NAALADL2: variants seen among roughly 807,000 people sequenced by gnomAD.
NAALADL2 encodes N-acetylated alpha-linked acidic dipeptidase like 2.
NAALADL2 carries 76 observed loss-of-function variants against 87.2 expected under a neutral mutation model. The observed-to-expected ratio is 0.87, with a 90% CI of 0.72 to 1.05. The LOEUF (loss-of-function observed/expected upper bound fraction) is 1.05. Ranked by LOEUF, NAALADL2 falls within the 50% of genes least tolerant of loss-of-function variation. NAALADL2 has a pLI of 0.00. For missense variants in NAALADL2, 1,089 were observed against 945.8 expected (o/e 1.15, Z -1.99); for synonymous variants, 354 against 331.0 (o/e 1.07, Z -0.75).
At chr3:174,534,295 A>C (rs1331931921) in intron 1 of NAALADL2, among the ~76,000 whole-genome samples, 2 of 139,038 alleles carry the variant, frequency 1.4e-5, no homozygotes, top group Non-Finnish European at 2.9e-5. Context: ...CAATATAAAC[A>C]AAAAAAATGT....
intron 3 of NAALADL2, among the ~76,000 whole-genome samples, chr3:174,852,055 C>T (rs1460495814): frequency 6.6e-6 from 1 of 152,032 alleles, no homozygotes; most frequent in African/African-American, 2.4e-5. Flanking sequence ...TCTCAAAAAA[C>T]TGGGTATAGA....
chr3:175,477,900 A>G (rs1046645160), intron 9 of NAALADL2, among the ~76,000 whole-genome samples: 1 of 151,900 alleles, frequency 6.6e-6, no homozygotes. Context: ...TTTTTTTTCC[A>G]CAAGAATTGT....
intron 1 of NAALADL2, among the ~76,000 whole-genome samples, chr3:175,038,906 A>G (rs1350340653): frequency 6.6e-6 from 1 of 152,126 alleles, no homozygotes; most frequent in Non-Finnish European, 1.5e-5. Context: ...ATAAATTGGT[A>G]CTGTCCAAAC....
intron 13 of NAALADL2, among the ~76,000 whole-genome samples, chr3:175,787,812 T>A (rs550321913): frequency 3.9e-5 from 6 of 152,306 alleles, no homozygotes; most frequent in South Asian, 4.1e-4. Context: ...TGTTTTAAGC[T>A]GTGTTATTAC....
At chr3:174,979,337 G>T (rs1187573296) in intron 1 of NAALADL2, among the ~76,000 whole-genome samples, 1 of 119,004 alleles carries the variant, frequency 8.4e-6, no homozygotes, top group Non-Finnish European at 1.6e-5. Flanking sequence ...ACGGAGTCTC[G>T]CTCTGTTGCC....
chr3:175,730,836 G>A (rs894438001), intron 11 of NAALADL2, among the ~76,000 whole-genome samples: 1 of 151,962 alleles, frequency 6.6e-6, no homozygotes, highest in African/African-American at 2.4e-5. Flanking sequence ...AAGACACCAG[G>A]GTCTTGAGGT....
chr3:175,112,763 C>T (rs9852223), intron 2 of NAALADL2, among the ~76,000 whole-genome samples: 6,754 of 151,572 alleles, frequency 0.045, 235 homozygotes, highest in Middle Eastern at 0.099. Flanking sequence ...TAGGAACATA[C>T]GGTCATATGA....
intron 3 of NAALADL2, among the ~76,000 whole-genome samples, chr3:175,240,184 A>G (rs1746590361): frequency 6.6e-6 from 1 of 152,228 alleles, no homozygotes; most frequent in Non-Finnish European, 1.5e-5. Flanking sequence ...GCTCAAAAAA[A>G]TTACAAATGA....
chr3:174,495,532 A>G (rs541397864), intron 1 of NAALADL2, among the ~76,000 whole-genome samples: 119 of 152,240 alleles, frequency 7.8e-4, no homozygotes, highest in Non-Finnish European at 1.2e-3. Context: ...CTCACATACC[A>G]CAAGGGCATG....
intron 2 of NAALADL2, among the ~76,000 whole-genome samples, chr3:175,196,478 T>C (rs1247478609): frequency 6.6e-6 from 1 of 151,936 alleles, no homozygotes; most frequent in Non-Finnish European, 1.5e-5. Flanking sequence ...ATGCTTCTCC[T>C]GTTGTGTTGG....
intron 1 of NAALADL2, among the ~76,000 whole-genome samples, chr3:174,509,568 A>ATTTTTT (rs145219498): frequency 1.6e-3 from 125 of 80,120 alleles, no homozygotes; most frequent in East Asian, 2.5e-3. Context: ...CACCCAGCTA[A>ATTTTTT]TTTTTTTTTT....
intron 5 of NAALADL2, among the ~76,000 whole-genome samples, chr3:175,389,750 C>T (rs1261241932): frequency 1.3e-5 from 2 of 152,132 alleles, no homozygotes; most frequent in Admixed American, 1.3e-4. Context: ...AGAAGAGGGG[C>T]AATCCTGGCT....
intron 3 of NAALADL2, among the ~76,000 whole-genome samples, chr3:174,802,480 A>C (rs1718957050): frequency 6.6e-6 from 1 of 152,136 alleles, no homozygotes; most frequent in African/African-American, 2.4e-5. Context: ...ATAATGCTTT[A>C]CAGAAATATT....
intron 5 of NAALADL2, among the ~76,000 whole-genome samples, chr3:175,427,233 A>G (rs1716962403): frequency 6.6e-6 from 1 of 152,220 alleles, no homozygotes; most frequent in Non-Finnish European, 1.5e-5. Flanking sequence ...TTAACAATTT[A>G]CAACAGAAGA....
In NAALADL2 at chr3:175,467,334, T is replaced by A. The variant is rs1164027547; in HGVS notation, c.1533+150T>A. ...TTGCTGAGATGGCTTATAATAATAA[T>A]ATGGAATTAGAGCTAGACCACAGCA... On this transcript the variant is annotated intron_variant, in intron 8 of 13. Coordinates refer to ENST00000454872, the MANE Select transcript of NAALADL2 (RefSeq NM_207015.3). 6.2e-6 allele frequency: 4 copies of A among 641,340 alleles called. No homozygotes were observed. In the East Asian group the frequency reaches 1.1e-4, roughly 18 times the overall value. 39.7% of individuals were successfully genotyped at this position (641,340 alleles called of 1,614,324 possible). A position where few individuals can be genotyped will look rare whatever the true frequency, so the allele number is the denominator to read the frequency against.
At chr3:174,867,431 T>A (rs1727295577) in intron 1 of NAALADL2, among the ~76,000 whole-genome samples, 1 of 152,030 alleles carries the variant, frequency 6.6e-6, no homozygotes, top group African/African-American at 2.4e-5. Flanking sequence ...TCTTTTAATA[T>A]GTCACCATAA....
chr3:175,726,492 C>T (rs1215557510), intron 11 of NAALADL2, among the ~76,000 whole-genome samples: 1 of 152,050 alleles, frequency 6.6e-6, no homozygotes, highest in Non-Finnish European at 1.5e-5. Context: ...GCTCCCTTGC[C>T]CCTCGAATGG....
intron 1 of NAALADL2, among the ~76,000 whole-genome samples, chr3:174,888,387 CACTT>C (rs1349934169): frequency 6.6e-6 from 1 of 152,182 alleles, no homozygotes; most frequent in African/African-American, 2.4e-5. Context: ...AGGAAATGCT[CACTT>C]ACTACTGTAA....
intron 1 of NAALADL2, among the ~76,000 whole-genome samples, chr3:175,042,321 C>T (rs1754172291): frequency 6.6e-6 from 1 of 152,014 alleles, no homozygotes; most frequent in Admixed American, 6.6e-5. Flanking sequence ...ATATATACAC[C>T]TCATTTTCTT....
Sources: allele counts gnomAD v4.1 joint callset (sites outside exome capture counted in the v4.1 genomes callset), GRCh38; gene constraint gnomAD v4.1.1; transcripts MANE v1.5; gene names NCBI Gene and HGNC (gene_info 2026-07-23, HGNC 2026-07-21).